Variants in GPSM2 observed in about 807,000 individuals in gnomAD.
GPSM2 encodes G protein-signaling modulator 2.
A neutral mutation model predicts 78.4 loss-of-function variants in GPSM2; 58 were observed. The ratio of observed to expected loss-of-function variants is 0.74; its 90% CI spans 0.60 to 0.92. The LOEUF (loss-of-function observed/expected upper bound fraction) is 0.92. Ranked by LOEUF, GPSM2 falls within the 40% of genes least tolerant of loss-of-function variation. The probability of loss-of-function intolerance (pLI) is 0.00; values close to 1 mark genes in which losing one functional copy is unlikely to be tolerated. For missense variants in GPSM2, 700 were observed against 815.5 expected, an observed-to-expected ratio of 0.86 and a Z score of 1.73; for synonymous variants, 224 against 280.2, an observed-to-expected ratio of 0.80 and a Z score of 2.00.
intron 13 of GPSM2, among the ~76,000 whole-genome samples, chr1:108,923,142 C>T (rs1477182645): frequency 2.6e-5 from 4 of 152,098 alleles, no homozygotes; most frequent in Admixed American, 2.6e-4. Flanking sequence ...AAGTGATCCT[C>T]CTACCTCAGC....
Position 108,929,954 on chromosome 1 carries a change from A to T in GPSM2, c.*14A>T, listed in dbSNP as rs1553218196. 3 of 1,608,824 alleles carry T rather than the reference A, an allele frequency of 1.9e-6. No individual in the cohort carries two copies. The highest frequency in any genetic ancestry group is 2.2e-5 in the East Asian group (1 of 44,818). On this transcript the variant is annotated 3_prime_UTR_variant, in exon 15 of 15. Coordinates refer to ENST00000264126, the MANE Select transcript of GPSM2 (RefSeq NM_013296.5). The stretch of plus-strand genomic sequence containing the variant: ...GCAGACCATTAGTTACTATGGATTT[A>T]TTTTTTTTCCTTTCAAACACGGTAA...
In GPSM2 at chr1:108,904,617, T is replaced by C. The variant is rs187418294; in HGVS notation, c.1192+363T>C. ...AAGGTGCCAAAATTTTAAAATGTTA[T>C]TGTTTATCCTTTTTATCTCATATCG... On this transcript the variant is annotated intron_variant, in intron 10 of 14. Transcript: ENST00000264126. Among the ~76,000 whole-genome samples the C allele has an allele frequency of 7.7e-4, 117 of 151,924 alleles. 2 individuals are homozygous for C. The highest frequency in any genetic ancestry group is 2.1e-3 in the Admixed American group (32 of 15,276).
intron 1 of GPSM2, 91 bp downstream of exon 1, chr1:108,877,319 T>C (rs902204812): frequency 6.6e-6 from 1 of 152,252 alleles, no homozygotes; most frequent in Non-Finnish European, 1.5e-5. Context: ...CGTGTGGGGC[T>C]TCTGTGTCCA....
Position 108,930,090 on chromosome 1 carries a change from C to A in GPSM2, c.*150C>A. 1 of 731,528 alleles carries A rather than the reference C, an allele frequency of 1.4e-6. No homozygotes were observed. Among genetic ancestry groups the A allele is most frequent in the African/African-American group, 1.8e-5 (1 of 56,628 alleles). 45.3% of individuals were successfully genotyped at this position (731,528 alleles called of 1,614,324 possible). ...GTTAACCTTCAGTAGTCTATTAAGG[C>A]ATTAATACTTCTCTGGACATGCGCG... On this transcript the variant is annotated 3_prime_UTR_variant, in exon 15 of 15. Transcript: ENST00000264126.
In GPSM2 at chr1:108,898,677, G is replaced by T. The variant is rs371700490; in HGVS notation, c.593G>T (p.Arg198Leu). ...NLSLVTALGD[R>L]AAQGRAFGNL... is the part of the protein sequence containing the mutation. ...TCATTAGTGACTGCTTTGGGTGACC[G>T]AGCGGCACAAGGACGTGCCTTTGGA... Residue 198 changes from arginine to leucine, a missense_variant, in exon 6 of 15, where the codon CGA (arginine) becomes CTA (leucine). Coordinates refer to ENST00000264126, the MANE Select transcript of GPSM2 (RefSeq NM_013296.5). 3 of 1,613,406 alleles carry T rather than the reference G, an allele frequency of 1.9e-6. No homozygotes were observed. In the African/African-American group the frequency reaches 4.0e-5, roughly 22 times the overall value.
intron 2 of GPSM2, among the ~76,000 whole-genome samples, chr1:108,885,892 A>AT (rs1023457728): frequency 2.0e-5 from 3 of 152,172 alleles, no homozygotes; most frequent in Admixed American, 6.5e-5. Flanking sequence ...TAAAAGGTGG[A>AT]TTTTTTAAAA....
intron 14 of GPSM2, chr1:108,924,500 TATG>T: frequency 2.2e-6 from 1 of 448,822 alleles, no homozygotes; most frequent in Non-Finnish European, 4.1e-6. Context: ...TTATGCTTGC[TATG>T]AAGAACTTTA....
At chr1:108,905,939 C>A (rs1649185145) in intron 10 of GPSM2, among the ~76,000 whole-genome samples, 1 of 152,184 alleles carries the variant, frequency 6.6e-6, no homozygotes, top group African/African-American at 2.4e-5. Flanking sequence ...TATTGGACAG[C>A]ACAGCTCTAG....
chr1:108,890,420 G>C (rs1413495787), intron 2 of GPSM2, among the ~76,000 whole-genome samples: 11 of 152,300 alleles, frequency 7.2e-5, no homozygotes, highest in Non-Finnish European at 1.6e-4. Context: ...GAAGATCTTA[G>C]AATTGTCCTT....
chr1:108,882,149 G>A (rs1013694844), intron 1 of GPSM2, among the ~76,000 whole-genome samples: 1 of 152,246 alleles, frequency 6.6e-6, no homozygotes, highest in Admixed American at 6.5e-5. Context: ...ACGGGGTCTT[G>A]TACGTTGCCT....
Position 108,922,120 on chromosome 1 carries a change from T to C in GPSM2, c.1441-297T>C, listed in dbSNP as rs560133164. 2.6e-5 allele frequency among the ~76,000 whole-genome samples: 4 copies of C among 152,352 alleles called. No homozygotes were observed. In the East Asian group the frequency reaches 5.8e-4, roughly 22 times the overall value. On this transcript the variant is annotated intron_variant, in intron 12 of 14. Coordinates refer to ENST00000264126, the MANE Select transcript of GPSM2 (RefSeq NM_013296.5). ...ACTGCAGAATGTTTAGAACTGAATG[T>C]AGAGCCTGAAGTACAGGCCTGTATC...
At chr1:108,885,166 A>G (rs1647432769) in intron 1 of GPSM2, 109 bp from the exon 2 acceptor site, 1 of 179,268 alleles carries the variant, frequency 5.6e-6, no homozygotes, top group Non-Finnish European at 1.2e-5. Context: ...ATTGATTGAC[A>G]TGACAGCAGT....
intron 1 of GPSM2, among the ~76,000 whole-genome samples, chr1:108,883,186 T>C (rs1325901816): frequency 6.6e-6 from 1 of 152,254 alleles, no homozygotes; most frequent in African/African-American, 2.4e-5. Context: ...TGTGAAAACC[T>C]CATTTCCTCT....
chr1:108,932,839 G>GA lies in GPSM2; in HGVS notation c.*2905dup, dbSNP rs1411219194. On this transcript the variant is annotated 3_prime_UTR_variant, in exon 15 of 15. Transcript: ENST00000264126. ...TCCTAAAATCCTTTTGCATTTCTTAGAAAAAATCACGTTTCTGATGAAATT... is the reference window on the plus strand; with the variant it reads ...TCCTAAAATCCTTTTGCATTTCTTAGAAAAAAATCACGTTTCTGATGAAATT... 8 of 152,272 alleles carry GA rather than the reference G, an allele frequency of 5.3e-5. No individual in the cohort carries two copies. In the East Asian group the frequency reaches 9.6e-4, roughly 18 times the overall value. The allele number at this position is 152,272 out of a possible 1,614,324, so 9.4% of individuals were successfully genotyped here.
At chr1:108,892,592 G>A (rs1648051517) in intron 2 of GPSM2, among the ~76,000 whole-genome samples, 1 of 152,110 alleles carries the variant, frequency 6.6e-6, no homozygotes, top group African/African-American at 2.4e-5. Flanking sequence ...TTTGTATGTG[G>A]GATGAATTTT....
In GPSM2 at chr1:108,932,269, C is replaced by CAAAA. The variant is rs1229051891; in HGVS notation, c.*2334_*2337dup. The CAAAA allele has an allele frequency of 6.6e-6, 1 of 151,554 alleles. No homozygotes were observed. Among genetic ancestry groups the CAAAA allele is most frequent in the Admixed American group, 6.6e-5 (1 of 15,214 alleles). 9.4% of individuals were successfully genotyped at this position (151,554 alleles called of 1,614,324 possible). A position where few individuals can be genotyped will look rare whatever the true frequency, so the allele number is the denominator to read the frequency against. Reference sequence around the variant, plus strand: ...AGCCTGGGTGACAGAGCAAAACTCTCAAAAAAAAGTAAAATTTCAAAAAAG... The same window carrying CAAAA: ...AGCCTGGGTGACAGAGCAAAACTCTCAAAAAAAAAAAAGTAAAATTTCAAAAAAG... On this transcript the variant is annotated 3_prime_UTR_variant, in exon 15 of 15. Coordinates refer to ENST00000264126, the MANE Select transcript of GPSM2 (RefSeq NM_013296.5).
chr1:108,896,317 G>A (rs1431324761), intron 2 of GPSM2, among the ~76,000 whole-genome samples: 1 of 151,982 alleles, frequency 6.6e-6, no homozygotes, highest in Non-Finnish European at 1.5e-5. Flanking sequence ...ATTTTTCTAG[G>A]GTATAAGTGG....
chr1:108,886,964 G>A (rs557264434), intron 2 of GPSM2, among the ~76,000 whole-genome samples: 1 of 151,738 alleles, frequency 6.6e-6, no homozygotes, highest in Non-Finnish European at 1.5e-5. Context: ...TTGGCTCACT[G>A]TAACCTCCGC....
intron 1 of GPSM2, among the ~76,000 whole-genome samples, chr1:108,880,098 A>C (rs1665821784): frequency 6.6e-6 from 1 of 152,202 alleles, no homozygotes; most frequent in South Asian, 2.1e-4. Flanking sequence ...GGTCCTTTTC[A>C]GTTAGAATTA....
Sources: gnomAD v4.1 joint callset for allele counts (sites outside exome capture counted in the v4.1 genomes callset) on GRCh38, gnomAD v4.1.1 for gene constraint, MANE v1.5 for transcripts, NCBI Gene and HGNC (gene_info 2026-07-23, HGNC 2026-07-21) for gene names.